WDR53: variants seen among roughly 807,000 people sequenced by gnomAD.
WDR53 encodes the protein WD repeat domain 53, also known as WD repeat-containing protein 53.
A neutral mutation model predicts 21.3 loss-of-function variants in WDR53; 19 were observed. That is an observed-to-expected ratio of 0.89 (90% CI 0.62 to 1.31). WDR53 has a LOEUF of 1.31. Ranked by LOEUF, WDR53 falls within the 50% of genes most tolerant of loss-of-function variation. WDR53 has a pLI of 0.00. For synonymous variants in WDR53, 157 were observed against 163.4 expected (o/e 0.96, Z 0.30); for missense variants, 374 against 423.2 (o/e 0.88, Z 1.02).
chr3:196,560,633 A>G (rs1194885362), intron 3 of WDR53, among the ~76,000 whole-genome samples: 1 of 152,236 alleles, frequency 6.6e-6, no homozygotes, highest in Non-Finnish European at 1.5e-5. Context: ...ACTTTAAAGT[A>G]AAAACAGACC....
At chr3:196,562,398 A>T (rs773247177) in intron 2 of WDR53, among the ~76,000 whole-genome samples, 17 of 152,164 alleles carry the variant, frequency 1.1e-4, no homozygotes, top group Non-Finnish European at 2.1e-4. Context: ...AGTAGCTGAG[A>T]TAACAGGCAC....
intron 2 of WDR53, among the ~76,000 whole-genome samples, chr3:196,563,595 G>A (rs1041600731): frequency 2.7e-5 from 4 of 146,772 alleles, no homozygotes; most frequent in South Asian, 2.1e-4. Flanking sequence ...TTTTTGAGAC[G>A]GAGTCTTGCT....
At position 196,554,392 on chromosome 3, in the gene WDR53, C is replaced by A. The variant is rs61730533; in HGVS notation, c.896G>T (p.Gly299Val). The change falls in exon 4 of 4, where the codon GGT (glycine) becomes GTT (valine). Residue 299 changes from glycine (G) to valine (V), a missense_variant. Transcript: ENST00000332629. ...KPKRGTCTKQ[G>V]GNTNASVTDE... is the part of the protein sequence containing the mutation. Reference sequence around the variant, plus strand: ...TGTTACTGAAGCGTTAGTATTTCCACCCTGCTTGGTGCAAGTTCCTCTTTT... The same window carrying A: ...TGTTACTGAAGCGTTAGTATTTCCAACCTGCTTGGTGCAAGTTCCTCTTTT... 6.2e-7 allele frequency: 1 copy of A among 1,613,950 alleles called. No individual in the cohort carries two copies. The highest frequency in any genetic ancestry group is 1.1e-5 in the South Asian group (1 of 91,086).
intron 2 of WDR53, among the ~76,000 whole-genome samples, chr3:196,563,032 C>T (rs754670061): frequency 6.6e-6 from 1 of 151,910 alleles, no homozygotes; most frequent in Non-Finnish European, 1.5e-5. Context: ...TTTGCAAAGT[C>T]GGGGTCTCCC....
chr3:196,568,036 G>T (rs1195190648), intron 1 of WDR53, among the ~76,000 whole-genome samples: 1 of 152,154 alleles, frequency 6.6e-6, no homozygotes, highest in South Asian at 2.1e-4. Context: ...CTCCCTATTG[G>T]AATGTTTAAT....
rs542120582 is a variant in WDR53, at chr3:196,558,408, T to C, written c.480+2588A>G. Among the ~76,000 whole-genome samples the C allele has an allele frequency of 7.8e-4, 118 of 152,198 alleles. No individual in the cohort carries two copies. In the South Asian group the frequency reaches 0.012, roughly 16 times the overall value. On this transcript the variant is annotated intron_variant, in intron 3 of 3. Transcript: ENST00000332629. ...TTTCGGTAGAGATAGGGTTTTGCCA[T>C]GTTGTCCAGGCTGGTCTCGAACTCC...
At chr3:196,555,911 G>T (rs547051652) in intron 3 of WDR53, among the ~76,000 whole-genome samples, 1 of 152,260 alleles carries the variant, frequency 6.6e-6, no homozygotes, top group Non-Finnish European at 1.5e-5. Context: ...CTTTGAATTG[G>T]ATTTATAACA....
chr3:196,558,066 T>G (rs1734496886), intron 3 of WDR53, among the ~76,000 whole-genome samples: 1 of 151,678 alleles, frequency 6.6e-6, no homozygotes, highest in East Asian at 2.0e-4. Context: ...CATGAGCCAC[T>G]GCGCCTGGCC....
intron 2 of WDR53, among the ~76,000 whole-genome samples, chr3:196,566,616 G>C (rs1195332930): frequency 6.6e-6 from 1 of 151,510 alleles, no homozygotes; most frequent in African/African-American, 2.4e-5. Context: ...GTTTCACCAT[G>C]TTGGCCAGGC....
rs577824757 is a variant in WDR53, at chr3:196,565,392, T to C, written c.-17+1485A>G. ...GAGTTCAAGACCACCCTGGCCAAGA[T>C]GGAGAAACCCTGTCTCTACTAAAAA... is the stretch of plus-strand genomic sequence containing the variant. On this transcript the variant is annotated intron_variant, in intron 2 of 3. Transcript: ENST00000332629. 4.0e-5 allele frequency among the ~76,000 whole-genome samples: 6 copies of C among 151,876 alleles called. No homozygotes were observed. In the East Asian group the frequency reaches 1.2e-3, roughly 30 times the overall value.
intron 2 of WDR53, among the ~76,000 whole-genome samples, chr3:196,561,772 G>A (rs753071200): frequency 5.9e-5 from 9 of 152,078 alleles, no homozygotes; most frequent in Non-Finnish European, 1.3e-4. Context: ...GGAACCCACA[G>A]AAGAATAAAC....
At chr3:196,558,857 A>G (rs56128010) in intron 3 of WDR53, among the ~76,000 whole-genome samples, 121 of 152,362 alleles carry the variant, frequency 7.9e-4, no homozygotes, top group Middle Eastern at 3.4e-3. Context: ...CTGTTACATC[A>G]CAACCCAGTG....
rs1734145112 is a variant in WDR53, at chr3:196,554,503, T to C, written c.785A>G (p.Asp262Gly). 6.2e-7 allele frequency: 1 copy of C among 1,614,044 alleles called. No individual in the cohort carries two copies. Among genetic ancestry groups the C allele is most frequent in the African/African-American group, 1.3e-5 (1 of 74,916 alleles). ...TGCATCCCACAACGTGATCTTCCCA[T>C]CATTCCCTCCAGTAAGCAGCAAATA... ...ESYLLLTGGN[D>G]GKITLWDANS... Residue 262 changes from aspartate to glycine, a missense_variant, in exon 4 of 4, where the codon GAT becomes GGT. Transcript: ENST00000332629.
Position 196,561,416 on chromosome 3 carries a change from T to C in WDR53, c.60A>G (p.Lys20=). The C allele has an allele frequency of 6.2e-7, 1 of 1,614,124 alleles. No homozygotes were observed. The change falls in exon 3 of 4, where the codon AAA becomes AAG. Residue 20 remains lysine, a synonymous_variant. Transcript: ENST00000332629. ...CTGCTCCAGAAGCCAGCAGCCCTTC[T>C]TTACTTGCATTCAGGCAGAGGACAG... ...SSPVLCLNAS[K]EGLLASGAEG... is the part of the protein sequence containing the mutation.
chr3:196,561,591 T>A, intron 2 of WDR53, 100 bp from the exon 3 acceptor site: 1 of 1,218,770 alleles, frequency 8.2e-7, no homozygotes, highest in Non-Finnish European at 1.1e-6. Context: ...TAAAATGTTT[T>A]AAAAATACAT....
At chr3:196,566,095 G>A (rs1735364735) in intron 2 of WDR53, among the ~76,000 whole-genome samples, 1 of 151,824 alleles carries the variant, frequency 6.6e-6, no homozygotes. Context: ...GTTTTTTCTT[G>A]TGTTTTTTTT....
intron 3 of WDR53, among the ~76,000 whole-genome samples, chr3:196,559,899 T>C (rs1281376082): frequency 6.6e-6 from 1 of 152,050 alleles, no homozygotes; most frequent in Non-Finnish European, 1.5e-5. Context: ...AAAAAATAAC[T>C]AGGAGGGTGT....
intron 3 of WDR53, among the ~76,000 whole-genome samples, chr3:196,558,114 C>G (rs1015210111): frequency 6.6e-6 from 1 of 152,134 alleles, no homozygotes; most frequent in East Asian, 1.9e-4. Flanking sequence ...ATAAATATTA[C>G]TTTGTACCTA....
intron 1 of WDR53, among the ~76,000 whole-genome samples, chr3:196,567,786 T>TGTGTGTGTGA (rs772923236): frequency 1.3e-5 from 2 of 149,536 alleles, no homozygotes; most frequent in Non-Finnish European, 3.0e-5. Context: ...TGTGTGTGTG[T>TGTGTGTGTGA]GAGGTAGGGG....
Sources: gnomAD v4.1 joint callset for allele counts (sites outside exome capture counted in the v4.1 genomes callset) on GRCh38, gnomAD v4.1.1 for gene constraint, MANE v1.5 for transcripts, NCBI Gene and HGNC (gene_info 2026-07-23, HGNC 2026-07-21) for gene names.